The following EIF4G3 variants were observed in gnomAD, a reference collection of about 807,000 sequenced individuals.
The protein encoded by EIF4G3 is eIF-4-gamma 3.
A neutral mutation model predicts 186.4 loss-of-function variants in EIF4G3; 34 were observed. The observed-to-expected ratio is 0.18, with a 90% CI of 0.14 to 0.24. The LOEUF (loss-of-function observed/expected upper bound fraction) is 0.24, where lower values mean the gene tolerates loss of function less well. Ranked by LOEUF, EIF4G3 falls within the 10% of genes least tolerant of loss-of-function variation. The pLI, the probability that EIF4G3 is intolerant of heterozygous loss-of-function variation, is 1.00. For missense variants in EIF4G3, 1,536 were observed against 1,948.5 expected (o/e 0.79, Z 3.99); for synonymous variants, 673 against 679.5 (o/e 0.99, Z 0.15).
intron 30 of EIF4G3, among the ~76,000 whole-genome samples, chr1:20,837,565 C>A (rs2067132865): frequency 6.6e-6 from 1 of 152,162 alleles, no homozygotes; most frequent in African/African-American, 2.4e-5. Flanking sequence ...GCAGAAACTG[C>A]TTCCCCAACT....
At chr1:20,985,176 G>A (rs1056921836) in intron 7 of EIF4G3, among the ~76,000 whole-genome samples, 3 of 152,078 alleles carry the variant, frequency 2.0e-5, no homozygotes, top group Non-Finnish European at 4.4e-5. Context: ...CTATACTAAC[G>A]GGTGGCATGT....
intron 13 of EIF4G3, among the ~76,000 whole-genome samples, chr1:20,949,744 T>C (rs2096124312): frequency 6.6e-6 from 1 of 152,190 alleles, no homozygotes; most frequent in Admixed American, 6.5e-5. Flanking sequence ...TAAAGGGCAG[T>C]TTAAGGCAGC....
chr1:21,063,344 A>G (rs1387273336), intron 3 of EIF4G3, among the ~76,000 whole-genome samples: 1 of 152,200 alleles, frequency 6.6e-6, no homozygotes, highest in African/African-American at 2.4e-5. Context: ...CAAAAGTTAG[A>G]GGCAGTATTT....
At chr1:21,050,123 T>TCA (rs1406218064) in intron 4 of EIF4G3, among the ~76,000 whole-genome samples, 5 of 152,190 alleles carry the variant, frequency 3.3e-5, no homozygotes, top group African/African-American at 9.7e-5. Context: ...ACTGATAATC[T>TCA]CACACAGTTA....
intron 12 of EIF4G3, among the ~76,000 whole-genome samples, chr1:20,963,211 T>C (rs988806240): frequency 2.0e-5 from 3 of 152,194 alleles, no homozygotes; most frequent in African/African-American, 7.2e-5. Flanking sequence ...TATCTACATA[T>C]ATTTTGTGTA....
intron 2 of EIF4G3, among the ~76,000 whole-genome samples, chr1:21,140,875 A>G (rs2097325542): frequency 6.6e-6 from 1 of 152,184 alleles, no homozygotes; most frequent in Non-Finnish European, 1.5e-5. Flanking sequence ...CCAGTTACTA[A>G]AATAAAAACC....
intron 2 of EIF4G3, among the ~76,000 whole-genome samples, chr1:21,118,651 T>C (rs1041368469): frequency 3.9e-5 from 6 of 151,908 alleles, no homozygotes; most frequent in African/African-American, 1.5e-4. Context: ...CTGGGTATGG[T>C]GGCGGGTGCC....
Position 21,120,570 on chromosome 1 carries a change from G to A in EIF4G3, c.-271-31357C>T, listed in dbSNP as rs373930847. 4.8e-5 allele frequency among the ~76,000 whole-genome samples: 7 copies of A among 145,408 alleles called. No homozygotes were observed. The East Asian group carries it at 8.1e-4, about 17-fold the overall frequency. On this transcript the variant is annotated intron_variant, in intron 2 of 36. Coordinates refer to ENST00000602326, the MANE Select transcript of EIF4G3 (RefSeq NM_001391906.1). Reference sequence around the variant, plus strand: ...GAACCCAGGAGGCAGAGGCTGCAGCGAGCCGAGATCACTACAGCCTGGACA... The same window carrying A: ...GAACCCAGGAGGCAGAGGCTGCAGCAAGCCGAGATCACTACAGCCTGGACA...
At chr1:20,901,447 A>G (rs1363536775) in intron 15 of EIF4G3, among the ~76,000 whole-genome samples, 2 of 152,180 alleles carry the variant, frequency 1.3e-5, no homozygotes, top group Non-Finnish European at 2.9e-5. Flanking sequence ...CAACATAACC[A>G]AATTATACAA....
At chr1:20,808,411 G>A (rs2058548956) in intron 36 of EIF4G3, among the ~76,000 whole-genome samples, 1 of 151,930 alleles carries the variant, frequency 6.6e-6, no homozygotes, top group African/African-American at 2.4e-5. Flanking sequence ...GCCGGGCGCG[G>A]TGGCTCACAC....
At chr1:20,998,905 G>C in intron 6 of EIF4G3, 1 of 348,310 alleles carries the variant, frequency 2.9e-6, no homozygotes, top group East Asian at 7.8e-5. Context: ...TTCCTCTATA[G>C]AGACTTCCTT....
chr1:20,845,391 G>A (rs186920052), intron 29 of EIF4G3, among the ~76,000 whole-genome samples: 18 of 152,208 alleles, frequency 1.2e-4, no homozygotes, highest in African/African-American at 4.1e-4. Flanking sequence ...GGCTGGGCGC[G>A]GTGGCTCACG....
intron 2 of EIF4G3, among the ~76,000 whole-genome samples, chr1:21,128,614 T>A (rs1366004883): frequency 6.6e-6 from 1 of 152,218 alleles, no homozygotes; most frequent in Admixed American, 6.5e-5. Flanking sequence ...ATTATCCAGG[T>A]TCTTTGGCCT....
chr1:20,862,410 T>C, intron 22 of EIF4G3, 78 bp from the exon 23 acceptor site: 1 of 884,856 alleles, frequency 1.1e-6, no homozygotes, highest in South Asian at 1.8e-5. Context: ...TATTTATTTA[T>C]GTAGTTATCT....
intron 29 of EIF4G3, among the ~76,000 whole-genome samples, chr1:20,841,479 T>C (rs775068461): frequency 8.5e-5 from 13 of 152,210 alleles, no homozygotes; most frequent in Non-Finnish European, 2.9e-5. Context: ...GAAATAGAAA[T>C]TTAATGTCAT....
intron 10 of EIF4G3, among the ~76,000 whole-genome samples, chr1:20,974,507 T>G (rs987324698): frequency 2.0e-5 from 3 of 152,134 alleles, no homozygotes; most frequent in Non-Finnish European, 4.4e-5. Flanking sequence ...TTGACAAAAG[T>G]TGTTTGGGCA....
At chr1:21,112,798 C>G (rs56129831) in intron 2 of EIF4G3, among the ~76,000 whole-genome samples, 2 of 152,100 alleles carry the variant, frequency 1.3e-5, no homozygotes, top group East Asian at 1.9e-4. Context: ...ATTCTATGTT[C>G]TTATGTAGAA....
chr1:20,857,293 T>C lies in EIF4G3; in HGVS notation c.3339+110A>G, dbSNP rs922746924. 3.1e-5 allele frequency: 27 copies of C among 882,094 alleles called. No homozygotes were observed. In the African/African-American group the frequency reaches 3.5e-4, roughly 11 times the overall value. The allele number at this position is 882,094 out of a possible 1,614,324, so 54.6% of individuals were successfully genotyped here. A position where few individuals can be genotyped will look rare whatever the true frequency, so the allele number is the denominator to read the frequency against. Reference sequence around the variant, plus strand: ...AATATTGCTGTTTTACTTTAATAAGTACTTTTGAGACACGTTTTGCAACTA... The same window carrying C: ...AATATTGCTGTTTTACTTTAATAAGCACTTTTGAGACACGTTTTGCAACTA... On this transcript the variant is annotated intron_variant, in intron 25 of 36. Coordinates refer to ENST00000602326, the MANE Select transcript of EIF4G3 (RefSeq NM_001391906.1).
chr1:21,004,207 C>T (rs953699378), intron 4 of EIF4G3, among the ~76,000 whole-genome samples: 6 of 152,062 alleles, frequency 3.9e-5, no homozygotes, highest in African/African-American at 1.4e-4. Flanking sequence ...TACATGATCC[C>T]ATAAAAATCA....
Sources: allele counts gnomAD v4.1 joint callset (sites outside exome capture counted in the v4.1 genomes callset), GRCh38; gene constraint gnomAD v4.1.1; transcripts MANE v1.5; gene names NCBI Gene and HGNC (gene_info 2026-07-23, HGNC 2026-07-21).